CUX1: variants seen among roughly 807,000 people sequenced by gnomAD.
CUX1 encodes protein CASP.
Under a neutral mutation model 158.8 loss-of-function variants are expected in CUX1, and 31 were observed. That is an observed-to-expected ratio of 0.20 (90% CI 0.15 to 0.26). The LOEUF is 0.26. CUX1 is among the 10% of genes least tolerant of loss of function. The probability of loss-of-function intolerance (pLI) is 1.00; values close to 1 mark genes in which losing one functional copy is unlikely to be tolerated. For synonymous variants in CUX1, 879 were observed against 862.1 expected, an observed-to-expected ratio of 1.02 and a Z score of -0.34; for missense variants, 1,589 against 2,014.6, an observed-to-expected ratio of 0.79 and a Z score of 4.04.
chr7:102,173,624 G>A (rs537921917), intron 10 of CUX1, among the ~76,000 whole-genome samples: 7 of 152,242 alleles, frequency 4.6e-5, no homozygotes, highest in South Asian at 2.1e-4. Flanking sequence ...AAAGGAAGTC[G>A]TCCATTCTGA....
chr7:101,838,869 C>T (rs995923016), intron 1 of CUX1, among the ~76,000 whole-genome samples: 26 of 152,230 alleles, frequency 1.7e-4, no homozygotes, highest in Middle Eastern at 3.4e-3. Flanking sequence ...TAACAGAATA[C>T]CATAGATGGG....
rs781912811 is a variant in CUX1 at position 102,158,616 on chromosome 7, C to A, written c.723+8C>A. On this transcript the variant is annotated splice_region_variant and intron_variant, in intron 9 of 23. Coordinates refer to ENST00000292535, the MANE Select transcript of CUX1 (RefSeq NM_181552.4). ...CTTGAAAGGGCAAACCAGGTAGGAC[C>A]CTGGACGCTTTTAGTCCTAAAACCC... The A allele has an allele frequency of 1.2e-6, 2 of 1,613,802 alleles. No homozygotes were observed. Among genetic ancestry groups the A allele is most frequent in the Non-Finnish European group, 1.7e-6 (2 of 1,179,860 alleles).
At chr7:101,863,210 A>G (rs1214576222) in intron 1 of CUX1, among the ~76,000 whole-genome samples, 3 of 152,134 alleles carry the variant, frequency 2.0e-5, no homozygotes, top group Non-Finnish European at 4.4e-5. Flanking sequence ...CAGCTATCCA[A>G]TATCAAACTG....
chr7:101,965,800 G>C (rs1187398443), intron 2 of CUX1, among the ~76,000 whole-genome samples: 1 of 122,250 alleles, frequency 8.2e-6, no homozygotes, highest in African/African-American at 3.1e-5. Flanking sequence ...AGTGAGCCGA[G>C]ATCGCACCAC....
At chr7:101,885,611 C>T (rs984474030) in intron 1 of CUX1, among the ~76,000 whole-genome samples, 3 of 152,126 alleles carry the variant, frequency 2.0e-5, no homozygotes, top group Admixed American at 6.5e-5. Context: ...CAGGAAGGCC[C>T]AGGCCGCAGG....
intron 20 of CUX1, chr7:102,281,712 A>C (rs1586543796): frequency 1.5e-6 from 1 of 675,478 alleles, no homozygotes; most frequent in East Asian, 2.7e-5. Flanking sequence ...TAATGATGGA[A>C]TAGGGGCCCC....
chr7:101,880,202 C>T (rs373028780), intron 1 of CUX1, among the ~76,000 whole-genome samples: 1 of 152,136 alleles, frequency 6.6e-6, no homozygotes, highest in Admixed American at 6.5e-5. Context: ...ACAAAAAACT[C>T]CGAGGAACAG....
At chr7:102,219,487 G>A (rs1797600884) in intron 20 of CUX1, among the ~76,000 whole-genome samples, 1 of 152,202 alleles carries the variant, frequency 6.6e-6, no homozygotes, top group Non-Finnish European at 1.5e-5. Context: ...GCTTGATGCT[G>A]CCACTTGTAA....
At chr7:102,060,052 G>A (rs918084373) in intron 3 of CUX1, among the ~76,000 whole-genome samples, 1 of 152,068 alleles carries the variant, frequency 6.6e-6, no homozygotes, top group African/African-American at 2.4e-5. Flanking sequence ...GAGGTGGGCG[G>A]ATCATGAGGT....
In CUX1 at chr7:101,869,615, C is replaced by T. The variant is rs372260109; in HGVS notation, c.31-46500C>T. ...CGTTAGAAGGTCAGCCAAGGTCAGG[C>T]GGCCAGCAGGGCGGGAGGAGGCGTT... On this transcript the variant is annotated intron_variant, in intron 1 of 23. Transcript: ENST00000292535. This position sits in a 1 kb window ranked among gnomAD's most constrained non-coding sequence, Gnocchi z 4.5. 2.0e-5 allele frequency among the ~76,000 whole-genome samples: 3 copies of T among 152,054 alleles called. No homozygotes were observed. Among genetic ancestry groups the T allele is most frequent in the African/African-American group, 4.8e-5 (2 of 41,398 alleles).
chr7:101,946,161 C>T (rs901763540), intron 2 of CUX1, among the ~76,000 whole-genome samples: 6 of 152,042 alleles, frequency 3.9e-5, no homozygotes, highest in Non-Finnish European at 7.4e-5. Context: ...AGTCTTGGAG[C>T]GACAGGTGGG....
rs377198941 is a variant in CUX1, at chr7:102,248,381, C to G, written c.3888-31C>G. 25 of 1,555,138 alleles carry G rather than the reference C, an allele frequency of 1.6e-5. No homozygotes were observed. The highest frequency in any genetic ancestry group is 5.5e-5 in the Admixed American group (3 of 54,408). On this transcript the variant is annotated intron_variant, in intron 23 of 23. Transcript: ENST00000292535. The surrounding 1 kb of genome is among the most constrained non-coding windows in gnomAD (Gnocchi z 5.8). Reference sequence around the variant, plus strand: ...GAGGCCCTTTCCCCAGCAGCACCCCCCTCACGTCCCCGCCGCTTGTTGTCT... The same window carrying G: ...GAGGCCCTTTCCCCAGCAGCACCCCGCTCACGTCCCCGCCGCTTGTTGTCT...
intron 20 of CUX1, among the ~76,000 whole-genome samples, chr7:102,210,900 A>G (rs1327287030): frequency 6.6e-6 from 1 of 152,222 alleles, no homozygotes; most frequent in Non-Finnish European, 1.5e-5. Context: ...GGACAGGTCC[A>G]CGTTCCTTTT....
chr7:101,940,799 G>A (rs892421174), intron 2 of CUX1, among the ~76,000 whole-genome samples: 4 of 152,058 alleles, frequency 2.6e-5, no homozygotes, highest in African/African-American at 4.8e-5. Context: ...GTTCACTGAG[G>A]GATTCCAGAC....
At chr7:102,274,385 G>C in intron 16 of CUX1, 2 of 1,304,312 alleles carry the variant, frequency 1.5e-6, no homozygotes, top group Non-Finnish European at 2.2e-6. Flanking sequence ...TGAGAACACA[G>C]ATCCCCAAAG....
Position 101,858,283 on chromosome 7 carries a change from GT to G in CUX1, c.30+40615del, listed in dbSNP as rs1387441550. On this transcript the variant is annotated intron_variant, in intron 1 of 23. Coordinates refer to ENST00000292535, the MANE Select transcript of CUX1 (RefSeq NM_181552.4). Reference sequence around the variant, plus strand: ...GGCTAAAAACCCGGCCAAGAGCATTGTAGTATCTGGTTTTGGGGTTGGTGGT... The same window carrying G: ...GGCTAAAAACCCGGCCAAGAGCATTGAGTATCTGGTTTTGGGGTTGGTGGT... Among the ~76,000 whole-genome samples, 23 of 152,328 alleles carry G rather than the reference GT, an allele frequency of 1.5e-4. No individual in the cohort carries two copies. The Middle Eastern group carries it at 0.01, about 68-fold the overall frequency.
At chr7:102,010,191 C>T (rs1386859263) in intron 2 of CUX1, among the ~76,000 whole-genome samples, 5 of 151,902 alleles carry the variant, frequency 3.3e-5, no homozygotes, top group South Asian at 2.1e-4. Context: ...GTCAGGAGTT[C>T]GAGACCAGCC....
chr7:102,159,395 C>T (rs183524307), intron 9 of CUX1, among the ~76,000 whole-genome samples: 5 of 152,350 alleles, frequency 3.3e-5, no homozygotes, highest in Admixed American at 2.6e-4. Context: ...GCACAGTGTC[C>T]GGCCCAGATC....
chr7:101,827,284 TC>T (rs1793431940), intron 1 of CUX1, among the ~76,000 whole-genome samples: 20 of 150,532 alleles, frequency 1.3e-4, no homozygotes, highest in Admixed American at 1.1e-3. Flanking sequence ...TCTTCTCTTC[TC>T]TTCTCTTCTT....
Sources: allele counts gnomAD v4.1 joint callset (sites outside exome capture counted in the v4.1 genomes callset), GRCh38; gene constraint gnomAD v4.1.1; non-coding constraint Gnocchi (gnomAD v3.1); transcripts MANE v1.5; gene names NCBI Gene and HGNC (gene_info 2026-07-23, HGNC 2026-07-21).